TXNRD3: variants seen among roughly 807,000 people sequenced by gnomAD.
TXNRD3 encodes the protein thioredoxin reductase 3.
TXNRD3 carries 68 observed loss-of-function variants against 78.2 expected under a neutral mutation model. That is an observed-to-expected ratio of 0.87 (90% CI 0.72 to 1.06). The LOEUF (loss-of-function observed/expected upper bound fraction) is 1.06. Ranked by LOEUF, TXNRD3 falls within the 50% of genes least tolerant of loss-of-function variation. The probability of loss-of-function intolerance (pLI) is 0.00; values close to 1 mark genes in which losing one functional copy is unlikely to be tolerated. For missense variants in TXNRD3, 751 were observed against 809.5 expected, an observed-to-expected ratio of 0.93 and a Z score of 0.88; for synonymous variants, 296 against 300.1, an observed-to-expected ratio of 0.99 and a Z score of 0.14.
rs1467931817 is a variant in TXNRD3 at position 126,607,742 on chromosome 3, C to T, written c.*163G>A. Reference sequence around the variant, plus strand: ...CCACAAGGCAGATGCCCACTGCTGTCCTCTTTCCTTGTCTACTTTCTCATC... The same window carrying T: ...CCACAAGGCAGATGCCCACTGCTGTTCTCTTTCCTTGTCTACTTTCTCATC... On this transcript the variant is annotated 3_prime_UTR_variant, in exon 16 of 16. Coordinates refer to ENST00000524230, the MANE Select transcript of TXNRD3 (RefSeq NM_052883.3). The T allele has an allele frequency of 2.3e-6, 1 of 433,766 alleles. No individual in the cohort carries two copies. The highest frequency in any genetic ancestry group is 3.9e-6 in the Non-Finnish European group (1 of 255,324). The allele number at this position is 433,766 out of a possible 1,614,324, so 26.9% of individuals were successfully genotyped here.
chr3:126,632,472 C>A (rs1413852876), intron 7 of TXNRD3, among the ~76,000 whole-genome samples: 1 of 151,972 alleles, frequency 6.6e-6, no homozygotes, highest in East Asian at 1.9e-4. Flanking sequence ...GCCTGGCCAA[C>A]ATGGTGAAAC....
At chr3:126,645,177 G>T (rs1043437733) in intron 3 of TXNRD3, among the ~76,000 whole-genome samples, 1 of 152,160 alleles carries the variant, frequency 6.6e-6, no homozygotes, top group Non-Finnish European at 1.5e-5. Context: ...GCCCAAGAAG[G>T]TTTTAGGGAC....
chr3:126,626,982 G>A (rs1174358969), intron 10 of TXNRD3, among the ~76,000 whole-genome samples: 1 of 152,016 alleles, frequency 6.6e-6, no homozygotes. Flanking sequence ...TAGCAACTAG[G>A]GAAGCTGGGT....
chr3:126,632,437 T>A (rs777780032), intron 7 of TXNRD3, among the ~76,000 whole-genome samples: 2 of 151,868 alleles, frequency 1.3e-5, no homozygotes, highest in African/African-American at 4.8e-5. Flanking sequence ...GGAAGGCAGA[T>A]CACAAGGTCA....
intron 1 of TXNRD3, among the ~76,000 whole-genome samples, chr3:126,648,377 A>G (rs72972823): frequency 0.082 from 12,476 of 152,226 alleles, 579 homozygotes; most frequent in East Asian, 0.2. Context: ...AATCCATCCT[A>G]AAATTCATAT....
chr3:126,655,087 G>T lies in TXNRD3; in HGVS notation c.-97C>A. 1 of 1,298,390 alleles carries T rather than the reference G, an allele frequency of 7.7e-7. No homozygotes were observed. Among genetic ancestry groups the T allele is most frequent in the Admixed American group, 4.0e-5 (1 of 24,980 alleles). 80.4% of individuals were successfully genotyped at this position (1,298,390 alleles called of 1,614,324 possible). On this transcript the variant is annotated 5_prime_UTR_variant, in exon 1 of 16. Coordinates refer to ENST00000524230, the MANE Select transcript of TXNRD3 (RefSeq NM_052883.3). ...CGGGGCCTGAGGGGCGGCGAACGCT[G>T]CCCTCGCTGGCCACTCTCACCACCC...
At chr3:126,640,301 G>A (rs1174271767) in intron 6 of TXNRD3, among the ~76,000 whole-genome samples, 1 of 23,510 alleles carries the variant, frequency 4.3e-5, no homozygotes, top group African/African-American at 8.3e-5. Flanking sequence ...TAGAGACGGG[G>A]TTTCACCGTG....
chr3:126,644,329 CGAT>C lies in TXNRD3; in HGVS notation c.484_486del (p.Ile162del), dbSNP rs1234686936. The C allele has an allele frequency of 6.5e-7, 1 of 1,536,432 alleles. No homozygotes were observed. The highest frequency in any genetic ancestry group is 1.4e-5 in the African/African-American group (1 of 73,104). ...CATGAAAGGCCTCCAGAACCACCACCGATGATGATGAGATCATAATCATATGCC... is the reference window on the plus strand; with the variant it reads ...CATGAAAGGCCTCCAGAACCACCACCGATGATGAGATCATAATCATATGCC... On this transcript the variant is annotated inframe_deletion, in exon 4 of 16. Coordinates refer to ENST00000524230, the MANE Select transcript of TXNRD3 (RefSeq NM_052883.3).
In TXNRD3 at chr3:126,642,125, CTACA is replaced by C; in HGVS notation, c.615_618del (p.Asn205LysfsTer8). 1 of 1,535,952 alleles carries C rather than the reference CTACA, an allele frequency of 6.5e-7. No individual in the cohort carries two copies. The highest frequency in any genetic ancestry group is 1.4e-5 in the African/African-American group (1 of 73,106). On this transcript the variant is annotated frameshift_variant, in exon 6 of 16. Coordinates refer to ENST00000524230, the MANE Select transcript of TXNRD3 (RefSeq NM_052883.3). LOFTEE classifies it high-confidence loss of function. ...TGCATCAATTTCTTAGGAATACAACCTACATTTACACAAGTGCCACCAAGACCTG... is the reference window on the plus strand; with the variant it reads ...TGCATCAATTTCTTAGGAATACAACCTTTACACAAGTGCCACCAAGACCTG...
At chr3:126,619,247 G>C (rs1360069692) in intron 12 of TXNRD3, among the ~76,000 whole-genome samples, 1 of 152,114 alleles carries the variant, frequency 6.6e-6, no homozygotes, top group Non-Finnish European at 1.5e-5. Context: ...GTATCAAAAA[G>C]ATATCTGCAC....
At chr3:126,641,885 T>G in intron 6 of TXNRD3, 147 bp downstream of exon 6, 1 of 1,034,050 alleles carries the variant, frequency 9.7e-7, no homozygotes, top group Non-Finnish European at 1.3e-6. Context: ...TTTTGCATCC[T>G]CTGTGCCTGG....
In TXNRD3 at chr3:126,654,814, G is replaced by T; in HGVS notation, c.177C>A (p.Leu59=). ...CCCGGCTGCGCTCGATGAGGCCCAC[G>T]AGGTGGCGGCGCAGCTCCTCGCGGG... Residue 59 remains leucine (L), a synonymous_variant, in exon 1 of 16, where the codon CTC becomes CTA. Transcript: ENST00000524230. The T allele has an allele frequency of 7.0e-7, 1 of 1,422,590 alleles. No homozygotes were observed. The highest frequency in any genetic ancestry group is 9.2e-7 in the Non-Finnish European group (1 of 1,089,188). The allele number at this position is 1,422,590 out of a possible 1,614,324, so 88.1% of individuals were successfully genotyped here.
Position 126,615,423 on chromosome 3 carries a change from GA to G in TXNRD3, c.1563del (p.Leu522TrpfsTer22). ...GATAATCCACAGCAACCATACTCCA[GA>G]GGAGTAAACACTGTAGTCGGAACAT... is the stretch of plus-strand genomic sequence containing the variant. On this transcript the variant is annotated frameshift_variant, in exon 13 of 16. Coordinates refer to ENST00000524230, the MANE Select transcript of TXNRD3 (RefSeq NM_052883.3). LOFTEE classifies it high-confidence loss of function. 6.6e-7 allele frequency: 1 copy of G among 1,519,174 alleles called. No homozygotes were observed. The highest frequency in any genetic ancestry group is 1.2e-5 in the South Asian group (1 of 80,926). The allele number at this position is 1,519,174 out of a possible 1,614,324, so 94.1% of individuals were successfully genotyped here.
intron 6 of TXNRD3, among the ~76,000 whole-genome samples, chr3:126,636,929 T>TTC (rs553696030): frequency 4.0e-5 from 6 of 151,854 alleles, no homozygotes; most frequent in African/African-American, 1.5e-4. Context: ...TTTGTGATTT[T>TTC]TTTTTTTTTT....
intron 10 of TXNRD3, among the ~76,000 whole-genome samples, chr3:126,623,671 T>A (rs996885934): frequency 6.6e-6 from 1 of 152,064 alleles, no homozygotes; most frequent in African/African-American, 2.4e-5. Flanking sequence ...ATCTTCGGAA[T>A]AAAAGAAAAG....
chr3:126,615,419 T>G lies in TXNRD3; in HGVS notation c.1568A>C (p.Glu523Ala). ...TTCAGATAATCCACAGCAACCATAC[T>G]CCAGAGGAGTAAACACTGTAGTCGG... Residue 523 changes from glutamate (E) to alanine (A), a missense_variant, in exon 13 of 16, where the codon GAG becomes GCG. Glu to Ala is a moderately radical substitution (Grantham distance 107). Transcript: ENST00000524230. 1 of 1,520,726 alleles carries G rather than the reference T, an allele frequency of 6.6e-7. No homozygotes were observed. The allele number at this position is 1,520,726 out of a possible 1,614,324, so 94.2% of individuals were successfully genotyped here.
At chr3:126,616,447 G>A (rs998960978) in intron 12 of TXNRD3, among the ~76,000 whole-genome samples, 11 of 152,316 alleles carry the variant, frequency 7.2e-5, no homozygotes, top group African/African-American at 2.6e-4. Flanking sequence ...GGTGGGCTGA[G>A]TCAATCCAAT....
At chr3:126,625,627 G>C (rs1938562947) in intron 10 of TXNRD3, among the ~76,000 whole-genome samples, 1 of 152,004 alleles carries the variant, frequency 6.6e-6, no homozygotes, top group Admixed American at 6.6e-5. Context: ...GTGTGCATGT[G>C]TCTTTATAGC....
At chr3:126,651,718 C>T (rs544220112) in intron 1 of TXNRD3, among the ~76,000 whole-genome samples, 111 of 152,212 alleles carry the variant, frequency 7.3e-4, no homozygotes, top group Admixed American at 3.5e-3. Context: ...AGTGAGCATA[C>T]GAACTAGTGT....
Sources: allele counts gnomAD v4.1 joint callset (sites outside exome capture counted in the v4.1 genomes callset), GRCh38; gene constraint gnomAD v4.1.1; transcripts MANE v1.5; gene names NCBI Gene and HGNC (gene_info 2026-07-23, HGNC 2026-07-21).